The following COL23A1 variants were observed in gnomAD, a reference collection of about 807,000 sequenced individuals.
COL23A1 encodes the protein collagen type XXIII alpha 1 chain, also known as collagen alpha-1(XXIII) chain.
Under a neutral mutation model 99.3 loss-of-function variants are expected in COL23A1, and 97 were observed. The observed-to-expected ratio is 0.98, with a 90% confidence interval of 0.83 to 1.16. The LOEUF is 1.16. Among genes scored for constraint, COL23A1 ranks in the 50% most tolerant of loss-of-function variants. The pLI is 0.00. For missense variants in COL23A1, 762 were observed against 757.4 expected, an observed-to-expected ratio of 1.01 and a Z score of -0.07; for synonymous variants, 320 against 308.2, an observed-to-expected ratio of 1.04 and a Z score of -0.40.
rs1561940773 is a variant in COL23A1, at chr5:178,403,135, AAAT to A, written c.362-96219_362-96217del. Among the ~76,000 whole-genome samples, 105 of 137,342 alleles carry A rather than the reference AAAT, an allele frequency of 7.6e-4. 12 individuals carry two copies. The highest frequency in any genetic ancestry group is 3.5e-3 in the Middle Eastern group (1 of 286). 90.1% of individuals were successfully genotyped at this position (137,342 alleles called of 152,430 possible). A position where few individuals can be genotyped will look rare whatever the true frequency, so the allele number is the denominator to read the frequency against. On this transcript the variant is annotated intron_variant, in intron 2 of 28. Coordinates refer to ENST00000390654, the MANE Select transcript of COL23A1 (RefSeq NM_173465.4). ...AAAAAAAAAAAAATAAATAAATAAA[AAAT>A]AAATACCATTTACCGAAATCTTCTA... is the stretch of plus-strand genomic sequence containing the variant.
chr5:178,455,710 G>C (rs1309814407), intron 2 of COL23A1, among the ~76,000 whole-genome samples: 1 of 152,076 alleles, frequency 6.6e-6, no homozygotes, highest in Non-Finnish European at 1.5e-5. Flanking sequence ...GCCGAGAGCT[G>C]GCACCTATCC....
intron 2 of COL23A1, among the ~76,000 whole-genome samples, chr5:178,320,372 G>C (rs1296286935): frequency 1.3e-5 from 2 of 152,168 alleles, no homozygotes; most frequent in African/African-American, 4.8e-5. Context: ...AGTGGGCACT[G>C]ATGAGGCCCT....
chr5:178,403,865 G>A (rs1764605756), intron 2 of COL23A1, among the ~76,000 whole-genome samples: 1 of 152,104 alleles, frequency 6.6e-6, no homozygotes, highest in African/African-American at 2.4e-5. Context: ...GCCTTTTGGG[G>A]TGGCCCAGAA....
chr5:178,516,744 G>A (rs1399047096), intron 2 of COL23A1, among the ~76,000 whole-genome samples: 1 of 152,126 alleles, frequency 6.6e-6, no homozygotes, highest in Non-Finnish European at 1.5e-5. Flanking sequence ...CAGGCCTGGC[G>A]GGTGCCCCTC....
chr5:178,290,267 C>A, intron 4 of COL23A1, 95 bp downstream of exon 4: 1 of 1,576,108 alleles, frequency 6.3e-7, no homozygotes, highest in Non-Finnish European at 8.7e-7. Context: ...TGAGGACACA[C>A]CTCCCTAACC....
intron 2 of COL23A1, among the ~76,000 whole-genome samples, chr5:178,346,820 G>A (rs192321644): frequency 1.2e-4 from 19 of 152,312 alleles, no homozygotes; most frequent in African/African-American, 4.1e-4. Context: ...GCAGCGGCCC[G>A]TCGGAGCCTC....
intron 2 of COL23A1, among the ~76,000 whole-genome samples, chr5:178,493,522 C>A (rs905673983): frequency 2.0e-5 from 3 of 152,258 alleles, no homozygotes; most frequent in Admixed American, 2.0e-4. Context: ...CCCTACTCTG[C>A]ACATGACACT....
At chr5:178,270,745 C>G (rs1027979592) in intron 5 of COL23A1, among the ~76,000 whole-genome samples, 29 of 152,158 alleles carry the variant, frequency 1.9e-4, no homozygotes, top group African/African-American at 7.0e-4. Context: ...GCTTTAGAGG[C>G]TTTCTTCTGA....
At chr5:178,409,095 C>T (rs1195425716) in intron 2 of COL23A1, among the ~76,000 whole-genome samples, 2 of 150,448 alleles carry the variant, frequency 1.3e-5, no homozygotes, top group Admixed American at 6.6e-5. Flanking sequence ...ACACAAAAAC[C>T]TGTACATGGA....
intron 1 of COL23A1, among the ~76,000 whole-genome samples, chr5:178,585,644 C>A (rs2936212): frequency 3.9e-3 from 588 of 149,278 alleles, no homozygotes; most frequent in East Asian, 0.016. Context: ...ACTCCACAGC[C>A]CTGGATGGCG....
intron 2 of COL23A1, among the ~76,000 whole-genome samples, chr5:178,470,609 G>A (rs528813430): frequency 6.6e-6 from 1 of 152,316 alleles, no homozygotes; most frequent in Non-Finnish European, 1.5e-5. Context: ...GACAGGGAGG[G>A]GATGGAAGCC....
chr5:178,518,501 A>G (rs1457533237), intron 2 of COL23A1, among the ~76,000 whole-genome samples: 5 of 144,722 alleles, frequency 3.5e-5, no homozygotes, highest in Admixed American at 1.4e-4. Context: ...CACCTCCCGG[A>G]CGGGGTGGCT....
chr5:178,451,844 C>A (rs536212054), intron 2 of COL23A1, among the ~76,000 whole-genome samples: 1 of 152,060 alleles, frequency 6.6e-6, no homozygotes, highest in South Asian at 2.1e-4. Context: ...AGAAAAGTTT[C>A]AATCTCCTAA....
intron 2 of COL23A1, among the ~76,000 whole-genome samples, chr5:178,360,935 T>A (rs530202337): frequency 6.6e-6 from 1 of 152,236 alleles, no homozygotes; most frequent in South Asian, 2.1e-4. Context: ...AACACGACGC[T>A]GAAGAACAAC....
At chr5:178,449,383 G>A (rs1302040792) in intron 2 of COL23A1, among the ~76,000 whole-genome samples, 2 of 152,112 alleles carry the variant, frequency 1.3e-5, no homozygotes, top group Non-Finnish European at 2.9e-5. Flanking sequence ...CTGGCCATTC[G>A]CCTTCTGGTC....
chr5:178,436,867 G>C (rs1472004258), intron 2 of COL23A1, among the ~76,000 whole-genome samples: 1 of 152,222 alleles, frequency 6.6e-6, no homozygotes, highest in Admixed American at 6.5e-5. Context: ...GGGTCAGAGA[G>C]GTTTCACTTC....
intron 5 of COL23A1, among the ~76,000 whole-genome samples, chr5:178,276,799 G>T (rs1264598682): frequency 1.3e-5 from 2 of 152,240 alleles, no homozygotes; most frequent in Non-Finnish European, 2.9e-5. Context: ...TGCCTTGAGG[G>T]TGGCACAATG....
chr5:178,243,442 A>C (rs1282297567), intron 25 of COL23A1, among the ~76,000 whole-genome samples: 2 of 139,298 alleles, frequency 1.4e-5, no homozygotes, highest in African/African-American at 5.2e-5. Flanking sequence ...AGCCGAGATC[A>C]TGCCACTGCA....
intron 2 of COL23A1, among the ~76,000 whole-genome samples, chr5:178,328,763 G>A (rs192563116): frequency 3.3e-4 from 50 of 152,296 alleles, no homozygotes; most frequent in African/African-American, 1.1e-3. Context: ...CCCCGTCAAC[G>A]TTAGTTCTAG....
Sources: allele counts gnomAD v4.1 joint callset (sites outside exome capture counted in the v4.1 genomes callset), GRCh38; gene constraint gnomAD v4.1.1; transcripts MANE v1.5; gene names NCBI Gene and HGNC (gene_info 2026-07-23, HGNC 2026-07-21).